The following SCAPER variants were observed in gnomAD, a reference collection of about 807,000 sequenced individuals.
SCAPER encodes the protein S phase cyclin A-associated protein in the endoplasmic reticulum.
Under a neutral mutation model 182.2 loss-of-function variants are expected in SCAPER, and 98 were observed. The ratio of observed to expected loss-of-function variants is 0.54; its 90% CI spans 0.46 to 0.64. The LOEUF (loss-of-function observed/expected upper bound fraction) is 0.64, where lower values mean the gene tolerates loss of function less well. Ranked by LOEUF, SCAPER falls within the 30% of genes least tolerant of loss-of-function variation. The pLI is 0.00. For missense variants in SCAPER, 1,432 were observed against 1,690.0 expected, an observed-to-expected ratio of 0.85 and a Z score of 2.68; for synonymous variants, 605 against 564.6, an observed-to-expected ratio of 1.07 and a Z score of -1.01.
intron 4 of SCAPER, among the ~76,000 whole-genome samples, chr15:76,853,308 C>G (rs926280363): frequency 6.6e-6 from 1 of 152,070 alleles, no homozygotes; most frequent in Non-Finnish European, 1.5e-5. Flanking sequence ...GGAGAAAGAA[C>G]TCCTCCCCAA....
At chr15:76,800,191 ATAAC>A (rs1337785071) in intron 7 of SCAPER, 53 bp downstream of exon 7, 1 of 960,268 alleles carries the variant, frequency 1.0e-6, no homozygotes, top group African/African-American at 1.7e-5. Flanking sequence ...TAATACTATA[ATAAC>A]TAAGAAAATA....
At chr15:76,443,874 T>G (rs1046129047) in intron 25 of SCAPER, among the ~76,000 whole-genome samples, 2 of 152,102 alleles carry the variant, frequency 1.3e-5, no homozygotes, top group African/African-American at 4.8e-5. Context: ...CAAAGCACAA[T>G]CAAAGCAATG....
chr15:76,461,565 G>A (rs2049179998), intron 25 of SCAPER, among the ~76,000 whole-genome samples: 1 of 151,662 alleles, frequency 6.6e-6, no homozygotes, highest in African/African-American at 2.4e-5. Flanking sequence ...GTATTTTCTA[G>A]TTTTTAAATT....
chr15:76,550,525 C>T (rs946412038), intron 23 of SCAPER, among the ~76,000 whole-genome samples: 4 of 152,164 alleles, frequency 2.6e-5, no homozygotes, highest in Admixed American at 2.0e-4. Context: ...GACATGATCT[C>T]GTTCCTTTTT....
chr15:76,487,034 G>T (rs992813413), intron 24 of SCAPER, among the ~76,000 whole-genome samples: 1 of 152,120 alleles, frequency 6.6e-6, no homozygotes, highest in Non-Finnish European at 1.5e-5. Flanking sequence ...TCCTTTGTGG[G>T]GATATGGAGG....
intron 6 of SCAPER, 144 bp from the exon 7 acceptor site, chr15:76,800,508 C>A: frequency 3.1e-6 from 2 of 647,700 alleles, no homozygotes; most frequent in East Asian, 2.7e-5. Flanking sequence ...GCAAATGTTC[C>A]CCTAGAGCAT....
intron 24 of SCAPER, among the ~76,000 whole-genome samples, chr15:76,482,984 C>T (rs2051272334): frequency 6.6e-6 from 1 of 152,042 alleles, no homozygotes; most frequent in Admixed American, 6.6e-5. Context: ...TCCATTGATA[C>T]TGATAAACTG....
intron 24 of SCAPER, among the ~76,000 whole-genome samples, chr15:76,485,481 T>C (rs1214667881): frequency 6.6e-6 from 1 of 152,212 alleles, no homozygotes; most frequent in African/African-American, 2.4e-5. Flanking sequence ...ATAGATTTAA[T>C]GCTATTCCCA....
chr15:76,583,304 T>C (rs557286483), intron 22 of SCAPER, among the ~76,000 whole-genome samples: 2 of 150,040 alleles, frequency 1.3e-5, no homozygotes, highest in Non-Finnish European at 1.5e-5. Flanking sequence ...TGAGTCGAGA[T>C]TGAGCCACTG....
chr15:76,452,212 T>C (rs1223330109), intron 25 of SCAPER, among the ~76,000 whole-genome samples: 1 of 152,212 alleles, frequency 6.6e-6, no homozygotes, highest in African/African-American at 2.4e-5. Context: ...AGTTACCAAG[T>C]CTTGTATTTC....
intron 1 of SCAPER, among the ~76,000 whole-genome samples, chr15:76,890,486 A>G (rs2074102306): frequency 1.3e-5 from 2 of 152,250 alleles, no homozygotes; most frequent in Admixed American, 1.3e-4. Context: ...CAAAGGGGAT[A>G]TCACCACAGA....
At chr15:76,515,495 G>A (rs2042349625) in intron 23 of SCAPER, among the ~76,000 whole-genome samples, 1 of 152,162 alleles carries the variant, frequency 6.6e-6, no homozygotes, top group Admixed American at 6.5e-5. Flanking sequence ...GACTATGAGA[G>A]CAAAGAAAAT....
intron 28 of SCAPER, chr15:76,380,172 C>T (rs2042859864): frequency 6.6e-6 from 1 of 152,102 alleles, no homozygotes; most frequent in Non-Finnish European, 1.5e-5. Flanking sequence ...CTTCATAAAA[C>T]ACAGATGTTA....
intron 24 of SCAPER, among the ~76,000 whole-genome samples, chr15:76,487,011 G>A (rs929308135): frequency 3.9e-5 from 6 of 152,250 alleles, no homozygotes; most frequent in African/African-American, 1.4e-4. Context: ...CCATAAAAAA[G>A]AACGAGATCA....
chr15:76,769,297 G>A (rs1421106184), intron 10 of SCAPER, among the ~76,000 whole-genome samples: 4 of 151,856 alleles, frequency 2.6e-5, no homozygotes, highest in Non-Finnish European at 5.9e-5. Flanking sequence ...CAAAAAATTA[G>A]CCAGGCGTGG....
In SCAPER at chr15:76,454,534, TA is replaced by T. The variant is rs202100768; in HGVS notation, c.3078+16677del. ...TTGCTTAAACAAAGATTTTATTACA[TA>T]AATGTGTCCCTAGAGAATATAACGT... On this transcript the variant is annotated intron_variant, in intron 25 of 31. Transcript: ENST00000563290. Among the ~76,000 whole-genome samples, 64 of 152,336 alleles carry T rather than the reference TA, an allele frequency of 4.2e-4. No individual in the cohort carries two copies. In the East Asian group the frequency reaches 0.012, roughly 28 times the overall value.
rs1230525691 is a variant in SCAPER at position 76,645,186 on chromosome 15, T to C, written c.2645+20467A>G. ...ATGTGTGTAAGTTATATGCAAATAGTGCACCATTTTTCATCAGGGACTTGA... is the reference window on the plus strand; with the variant it reads ...ATGTGTGTAAGTTATATGCAAATAGCGCACCATTTTTCATCAGGGACTTGA... On this transcript the variant is annotated intron_variant, in intron 21 of 31. Transcript: ENST00000563290. 4.6e-5 allele frequency among the ~76,000 whole-genome samples: 7 copies of C among 152,246 alleles called. No individual in the cohort carries two copies. In the East Asian group the frequency reaches 1.3e-3, roughly 29 times the overall value.
intron 1 of SCAPER, among the ~76,000 whole-genome samples, chr15:76,898,932 A>C (rs1409134602): frequency 6.6e-6 from 1 of 152,246 alleles, no homozygotes; most frequent in African/African-American, 2.4e-5. Flanking sequence ...TAGCTCAATA[A>C]AGCTTCAAAT....
In SCAPER at chr15:76,471,195, G is replaced by C. The variant is rs151046510; in HGVS notation, c.3078+17C>G. Reference sequence around the variant, plus strand: ...AAACCTTAACTGCTTCTAACTCAAAGCAATAATATTACATACCGTCAACTG... The same window carrying C: ...AAACCTTAACTGCTTCTAACTCAAACCAATAATATTACATACCGTCAACTG... On this transcript the variant is annotated intron_variant, in intron 25 of 31. Coordinates refer to ENST00000563290, the MANE Select transcript of SCAPER (RefSeq NM_020843.4). 52 of 1,575,928 alleles carry C rather than the reference G, an allele frequency of 3.3e-5. No homozygotes were observed. In the East Asian group the frequency reaches 9.9e-4, roughly 30 times the overall value.
Sources: gnomAD v4.1 joint callset for allele counts (sites outside exome capture counted in the v4.1 genomes callset) on GRCh38, gnomAD v4.1.1 for gene constraint, MANE v1.5 for transcripts, NCBI Gene and HGNC (gene_info 2026-07-23, HGNC 2026-07-21) for gene names.